TBC1D8: variants seen among roughly 807,000 people sequenced by gnomAD.
TBC1D8 encodes the protein BUB2-like protein 1.
In TBC1D8, 65 loss-of-function variants were observed where a neutral mutation model predicts 118.8. The ratio of observed to expected loss-of-function variants is 0.55; its 90% CI spans 0.45 to 0.67. The LOEUF (loss-of-function observed/expected upper bound fraction) is 0.67, where lower values mean the gene tolerates loss of function less well. Among genes scored for constraint, TBC1D8 ranks in the 30% least tolerant of loss-of-function variants. TBC1D8 has a pLI of 0.00. For missense variants in TBC1D8, 1,376 were observed against 1,471.2 expected (o/e 0.94, Z 1.06); for synonymous variants, 566 against 595.8 (o/e 0.95, Z 0.73).
chr2:101,057,635 G>C (rs1558661760), intron 3 of TBC1D8, among the ~76,000 whole-genome samples: 1 of 152,156 alleles, frequency 6.6e-6, no homozygotes, highest in Non-Finnish European at 1.5e-5. Flanking sequence ...ATCAGCTTGG[G>C]CAACATAATG....
At chr2:101,061,263 C>T (rs889874980) in intron 2 of TBC1D8, among the ~76,000 whole-genome samples, 5 of 151,404 alleles carry the variant, frequency 3.3e-5, no homozygotes, top group Non-Finnish European at 7.4e-5. Context: ...TATGTGCAGC[C>T]TTCCTCTCCC....
At chr2:101,072,268 G>A (rs1674498546) in intron 2 of TBC1D8, among the ~76,000 whole-genome samples, 1 of 152,150 alleles carries the variant, frequency 6.6e-6, no homozygotes, top group South Asian at 2.1e-4. Context: ...GGAAAACACT[G>A]CACCAGCATC....
intron 2 of TBC1D8, among the ~76,000 whole-genome samples, chr2:101,070,506 A>G (rs1683255084): frequency 6.6e-6 from 1 of 151,038 alleles, no homozygotes; most frequent in African/African-American, 2.4e-5. Flanking sequence ...TCCGCCTCTC[A>G]GGTTCAAGCA....
At chr2:101,131,235 G>A (rs992088693) in intron 1 of TBC1D8, among the ~76,000 whole-genome samples, 31 of 152,296 alleles carry the variant, frequency 2.0e-4, no homozygotes, top group Admixed American at 1.2e-3. Flanking sequence ...GTTCCAGGCC[G>A]GGCACGGTGG....
At chr2:101,066,474 T>C (rs973100214) in intron 2 of TBC1D8, among the ~76,000 whole-genome samples, 12 of 151,888 alleles carry the variant, frequency 7.9e-5, no homozygotes, top group African/African-American at 2.9e-4. Context: ...CTTAAAAAAA[T>C]GGATAAAGTT....
intron 1 of TBC1D8, among the ~76,000 whole-genome samples, chr2:101,139,985 T>C (rs1027049375): frequency 1.3e-5 from 2 of 152,234 alleles, no homozygotes; most frequent in Non-Finnish European, 2.9e-5. Flanking sequence ...CTGAATAAAA[T>C]GCTCTTTGGG....
chr2:101,027,291 A>C (rs1680391855), intron 15 of TBC1D8, 92 bp downstream of exon 15: 3 of 1,173,496 alleles, frequency 2.6e-6, no homozygotes, highest in Non-Finnish European at 3.8e-6. Flanking sequence ...GGAGCCCTGC[A>C]GGCAGCTGCA....
chr2:101,051,537 G>GT (rs1160750766), intron 4 of TBC1D8, among the ~76,000 whole-genome samples: 1 of 151,986 alleles, frequency 6.6e-6, no homozygotes, highest in African/African-American at 2.4e-5. Context: ...AATAGGGGAA[G>GT]TTTTTTGCAA....
chr2:101,092,527 T>C (rs777815326), intron 1 of TBC1D8, among the ~76,000 whole-genome samples: 2 of 152,236 alleles, frequency 1.3e-5, no homozygotes, highest in Non-Finnish European at 2.9e-5. Flanking sequence ...CATTATTCTC[T>C]TACTTATATC....
intron 2 of TBC1D8, among the ~76,000 whole-genome samples, chr2:101,060,202 G>A (rs77671075): frequency 0.012 from 1,756 of 152,292 alleles, 45 homozygotes; most frequent in African/African-American, 0.041. Flanking sequence ...CAGCTACTCC[G>A]GCATGGAACA....
At chr2:101,109,970 G>A (rs944187823) in intron 1 of TBC1D8, 76 of 985,308 alleles carry the variant, frequency 7.7e-5, no homozygotes, top group African/African-American at 1.7e-4. Flanking sequence ...TTTCCTTTCC[G>A]CAGCAGTTCC....
chr2:101,072,787 C>A (rs1573981029), intron 2 of TBC1D8, among the ~76,000 whole-genome samples: 1 of 152,150 alleles, frequency 6.6e-6, no homozygotes, highest in African/African-American at 2.4e-5. Context: ...CAGTTCCTAA[C>A]AGGCCACAAA....
Position 101,065,659 on chromosome 2 carries a change from T to G in TBC1D8, c.284-6120A>C, listed in dbSNP as rs58827276. ...CGGGTATATTTCTCACTATAGAGTT[T>G]AAGAAAATAAGCTTTAAATGTTTCT... On this transcript the variant is annotated intron_variant, in intron 2 of 19. Coordinates refer to ENST00000409318, the MANE Select transcript of TBC1D8 (RefSeq NM_001330348.2). 2.6e-4 allele frequency among the ~76,000 whole-genome samples: 40 copies of G among 152,382 alleles called. No individual in the cohort carries two copies. In the East Asian group the frequency reaches 7.3e-3, roughly 28 times the overall value.
chr2:101,089,925 T>TAAAA (rs1254650129), intron 2 of TBC1D8, among the ~76,000 whole-genome samples: 1 of 139,698 alleles, frequency 7.2e-6, no homozygotes, highest in African/African-American at 2.7e-5. Flanking sequence ...CGATGGTTTT[T>TAAAA]AAAAAAAAAA....
chr2:101,022,477 C>T lies in TBC1D8; in HGVS notation c.2565G>A (p.Met855Ile), dbSNP rs201098419. Residue 855 changes from methionine (M) to isoleucine (I), a missense_variant, in exon 16 of 20, where the codon ATG becomes ATA. By Grantham distance (10) the Met-to-Ile change is conservative. Transcript: ENST00000409318. ...MSCYWEQPRP[M>I]ASRHDPSRPY... Reference sequence around the variant, plus strand: ...GCCGGCTGGGGTCGTGGCGTGAGGCCATGGGCCTGGGCTGCTCCCAGTAAC... The same window carrying T: ...GCCGGCTGGGGTCGTGGCGTGAGGCTATGGGCCTGGGCTGCTCCCAGTAAC... 37 of 1,607,400 alleles carry T rather than the reference C, an allele frequency of 2.3e-5. No individual in the cohort carries two copies. The African/African-American group carries it at 4.2e-4, about 18-fold the overall frequency.
intron 1 of TBC1D8, among the ~76,000 whole-genome samples, chr2:101,105,689 T>C (rs78228034): frequency 0.021 from 3,130 of 151,678 alleles, 77 homozygotes; most frequent in Non-Finnish European, 0.024. Flanking sequence ...ATATACTTAA[T>C]AGAATGGCTA....
rs1288200224 is a variant in TBC1D8, at chr2:101,032,336, T to G, written c.1868A>C (p.Glu623Ala). The G allele has an allele frequency of 1.9e-6, 3 of 1,613,700 alleles. No homozygotes were observed. The highest frequency in any genetic ancestry group is 2.5e-6 in the Non-Finnish European group (3 of 1,179,742). ...SVLLLYTKEEEAFWLLVAVCE... is the reference protein window; with the variant it reads ...SVLLLYTKEEAAFWLLVAVCE... ...CACAGCAACCAACAGCCAGAAGGCTTCCTCCTCCTTGGTGTACAGCAGCAG... is the reference window on the plus strand; with the variant it reads ...CACAGCAACCAACAGCCAGAAGGCTGCCTCCTCCTTGGTGTACAGCAGCAG... The change falls in exon 11 of 20, where the codon GAA becomes GCA. Residue 623 changes from glutamate to alanine, a missense_variant. By Grantham distance (107) the Glu-to-Ala change is moderately radical. Coordinates refer to ENST00000409318, the MANE Select transcript of TBC1D8 (RefSeq NM_001330348.2).
At chr2:101,040,045 T>TG in intron 6 of TBC1D8, 133 bp downstream of exon 6, 5 of 993,032 alleles carry the variant, frequency 5.0e-6, no homozygotes, top group South Asian at 4.7e-5. Flanking sequence ...AGCCCAGCCT[T>TG]GGAGTCATCC....
intron 2 of TBC1D8, among the ~76,000 whole-genome samples, chr2:101,061,676 TCCC>T (rs1682760978): frequency 2.0e-5 from 3 of 151,920 alleles, no homozygotes; most frequent in Non-Finnish European, 2.9e-5. Flanking sequence ...CGGTCCCACC[TCCC>T]GTGTCATGCT....
Sources: allele counts gnomAD v4.1 joint callset (sites outside exome capture counted in the v4.1 genomes callset), GRCh38; gene constraint gnomAD v4.1.1; transcripts MANE v1.5; gene names NCBI Gene and HGNC (gene_info 2026-07-23, HGNC 2026-07-21).